The following NPLOC4 variants were observed in gnomAD, a reference collection of about 807,000 sequenced individuals.
NPLOC4 encodes NPL4 homolog, ubiquitin recognition factor, also known as nuclear protein localization protein 4 homolog.
NPLOC4 carries 18 observed loss-of-function variants against 80.6 expected under a neutral mutation model. The observed-to-expected ratio is 0.22, with a 90% CI of 0.15 to 0.33. The LOEUF is 0.33. NPLOC4 is among the 10% of genes least tolerant of loss of function. The pLI, the probability that NPLOC4 is intolerant of heterozygous loss-of-function variation, is 1.00. For missense variants in NPLOC4, 540 were observed against 786.1 expected (o/e 0.69, Z 3.74); for synonymous variants, 313 against 301.5 (o/e 1.04, Z -0.39).
intron 11 of NPLOC4, among the ~76,000 whole-genome samples, chr17:81,594,690 G>C (rs1294799711): frequency 6.6e-6 from 1 of 152,026 alleles, no homozygotes; most frequent in East Asian, 1.9e-4. Context: ...CAGGAGAATT[G>C]CGTGAACCCG....
At chr17:81,630,093 T>A (rs1440799328) in intron 1 of NPLOC4, among the ~76,000 whole-genome samples, 1 of 151,858 alleles carries the variant, frequency 6.6e-6, no homozygotes, top group Non-Finnish European at 1.5e-5. Context: ...TGTAAAACAC[T>A]TTTTGTCTCT....
rs929217643 is a variant in NPLOC4 at position 81,637,050 on chromosome 17, G to A, written c.-120C>T. On this transcript the variant is annotated 5_prime_UTR_variant, in exon 1 of 17. Coordinates refer to ENST00000331134, the MANE Select transcript of NPLOC4 (RefSeq NM_017921.4). ...CCGGCCTCCCTACGCCGCCGCCACC[G>A]CCGCTCCAGCTTCGCCCGCCCGGCT... The A allele has an allele frequency of 5.8e-6, 3 of 513,678 alleles. No homozygotes were observed. Among genetic ancestry groups the A allele is most frequent in the Non-Finnish European group, 8.5e-6 (3 of 351,514 alleles). 31.8% of individuals were successfully genotyped at this position (513,678 alleles called of 1,614,324 possible).
At chr17:81,621,052 A>AAAGG (rs758677465) in intron 3 of NPLOC4, among the ~76,000 whole-genome samples, 4 of 151,892 alleles carry the variant, frequency 2.6e-5, no homozygotes, top group Non-Finnish European at 4.4e-5. Context: ...AAAGGAAAAG[A>AAAGG]AAGGAAGGAA....
At chr17:81,597,096 G>T in intron 10 of NPLOC4, 149 bp downstream of exon 10, 1 of 588,754 alleles carries the variant, frequency 1.7e-6, no homozygotes, top group South Asian at 2.1e-5. Flanking sequence ...CTGGGCAAAA[G>T]AGCAAGACTC....
At position 81,567,436 on chromosome 17, in the gene NPLOC4, T is replaced by C. The variant is rs1176221935; in HGVS notation, c.1547A>G (p.Asn516Ser). 3.1e-6 allele frequency: 5 copies of C among 1,612,018 alleles called. No individual in the cohort carries two copies. Among genetic ancestry groups the C allele is most frequent in the Non-Finnish European group, 2.5e-6 (3 of 1,178,470 alleles). The change falls in exon 15 of 17, where the codon AAT becomes AGT. Residue 516 changes from asparagine to serine, a missense_variant. Coordinates refer to ENST00000331134, the MANE Select transcript of NPLOC4 (RefSeq NM_017921.4). This position sits in a 1 kb window ranked among gnomAD's most constrained non-coding sequence, Gnocchi z 4.5. ...DFHLLLFLVT[N>S]EVMPLQDSIS... ...ACGCACCTGCAGAGGCATAACTTCA[T>C]TGGTGACCAGGAACAGCAAGAGGTG...
intron 2 of NPLOC4, among the ~76,000 whole-genome samples, chr17:81,627,346 C>T (rs578212000): frequency 4.7e-5 from 7 of 150,218 alleles, no homozygotes; most frequent in East Asian, 2.0e-4. Context: ...GAGCCGAGAT[C>T]GCGCCACTGC....
At chr17:81,563,928 T>C (rs1344125639) in intron 16 of NPLOC4, 1 of 454,910 alleles carries the variant, frequency 2.2e-6, no homozygotes, top group Admixed American at 2.4e-5. Flanking sequence ...TACATAAAGA[T>C]GGCAACGCCA....
chr17:81,618,706 C>G (rs978323300), intron 3 of NPLOC4, among the ~76,000 whole-genome samples: 3 of 151,478 alleles, frequency 2.0e-5, no homozygotes, highest in Non-Finnish European at 4.4e-5. Context: ...GGGAGGTGTA[C>G]CCAACAGCTC....
In NPLOC4 at chr17:81,581,924, C is replaced by G. The variant is rs148444072; in HGVS notation, c.1281+7020G>C. Among the ~76,000 whole-genome samples, 838 of 152,306 alleles carry G rather than the reference C, an allele frequency of 5.5e-3. 11 individuals are homozygous for G. Among genetic ancestry groups the G allele is most frequent in the African/African-American group, 0.019 (786 of 41,568 alleles). On this transcript the variant is annotated intron_variant, in intron 12 of 16. Coordinates refer to ENST00000331134, the MANE Select transcript of NPLOC4 (RefSeq NM_017921.4). ...GCAGAGCTAGTAGCCTCGCTATGCC[C>G]TGGATGGAGTCCCAGACCATCTCAA...
chr17:81,606,899 C>T (rs148181044), intron 6 of NPLOC4, 85 bp from the exon 7 acceptor site: 13,020 of 1,300,388 alleles, frequency 0.01, 93 homozygotes, highest in Middle Eastern at 0.014. Flanking sequence ...TATCTTATAC[C>T]TCCTGAACAG....
intron 16 of NPLOC4, 74 bp downstream of exon 16, chr17:81,565,431 T>C: frequency 2.4e-6 from 3 of 1,251,924 alleles, no homozygotes; most frequent in South Asian, 2.6e-5. Flanking sequence ...CCACCGGCAG[T>C]GGGGAGCTGT....
chr17:81,604,913 C>T (rs989879474), intron 7 of NPLOC4, among the ~76,000 whole-genome samples, 186 bp from the exon 8 acceptor site: 5 of 152,076 alleles, frequency 3.3e-5, no homozygotes, highest in African/African-American at 1.2e-4. Context: ...TCGCTTAAGC[C>T]CAGGAGTTCA....
chr17:81,559,705 T>C (rs2033784185), intron 16 of NPLOC4, among the ~76,000 whole-genome samples: 1 of 150,330 alleles, frequency 6.7e-6, no homozygotes. Context: ...CCCCGGGGGA[T>C]GTGCATTTGG....
In NPLOC4 at chr17:81,600,370, C is replaced by T. The variant is rs772574108; in HGVS notation, c.892G>A (p.Glu298Lys). 2.5e-6 allele frequency: 4 copies of T among 1,612,470 alleles called. No homozygotes were observed. The East Asian group carries it at 6.7e-5, about 27-fold the overall frequency. The change falls in exon 9 of 17, where the codon GAA becomes AAA. Residue 298 changes from glutamate (E) to lysine (K), a missense_variant. Transcript: ENST00000331134. ...LEDPKAEVVD[E>K]IAAKLGLRKV... The stretch of plus-strand genomic sequence containing the variant: ...CGCAGGCCAAGTTTGGCAGCAATTT[C>T]ATCGACCACTTCAGCTTTTGGATCC...
intron 12 of NPLOC4, among the ~76,000 whole-genome samples, chr17:81,576,221 G>A (rs1030193357): frequency 6.6e-6 from 1 of 152,184 alleles, no homozygotes; most frequent in Non-Finnish European, 1.5e-5. Context: ...AATGGATTAT[G>A]GATCTCAAAA....
At chr17:81,594,843 G>C (rs1378308742) in intron 11 of NPLOC4, among the ~76,000 whole-genome samples, 1 of 152,028 alleles carries the variant, frequency 6.6e-6, no homozygotes, top group South Asian at 2.1e-4. Flanking sequence ...CTACATAGGA[G>C]GCTGTTGGGG....
intron 1 of NPLOC4, 162 bp from the exon 2 acceptor site, chr17:81,629,967 T>C (rs1906134508): frequency 1.7e-6 from 1 of 582,808 alleles, no homozygotes; most frequent in Non-Finnish European, 3.1e-6. Flanking sequence ...TAGAATATGA[T>C]GCCGAGGGGT....
chr17:81,574,284 CTCT>C (rs2034234685), intron 12 of NPLOC4, among the ~76,000 whole-genome samples: 1 of 152,182 alleles, frequency 6.6e-6, no homozygotes, highest in Non-Finnish European at 1.5e-5. Context: ...ATGCCCCTCT[CTCT>C]TTTTTGTGTC....
chr17:81,598,469 C>G (rs991990129), intron 9 of NPLOC4, among the ~76,000 whole-genome samples: 41 of 152,282 alleles, frequency 2.7e-4, no homozygotes, highest in Admixed American at 2.2e-3. Flanking sequence ...GTAGGTCTTT[C>G]CTGACAAGCT....
Sources: gnomAD v4.1 joint callset for allele counts (sites outside exome capture counted in the v4.1 genomes callset) on GRCh38, gnomAD v4.1.1 for gene constraint, Gnocchi (gnomAD v3.1) non-coding constraint, MANE v1.5 for transcripts, NCBI Gene and HGNC (gene_info 2026-07-23, HGNC 2026-07-21) for gene names.